LARP1B: variants seen among roughly 807,000 people sequenced by gnomAD.
LARP1B encodes the protein La ribonucleoprotein 1B.
Under a neutral mutation model 114.2 loss-of-function variants are expected in LARP1B, and 76 were observed. The ratio of observed to expected loss-of-function variants is 0.67; its 90% CI spans 0.55 to 0.81. The LOEUF (loss-of-function observed/expected upper bound fraction) is 0.81, where lower values mean the gene tolerates loss of function less well. LARP1B is among the 30% of genes least tolerant of loss of function. The pLI is 0.00. For missense variants in LARP1B, 1,014 were observed against 1,075.8 expected (o/e 0.94, Z 0.80); for synonymous variants, 345 against 348.0 (o/e 0.99, Z 0.10).
intron 5 of LARP1B, among the ~76,000 whole-genome samples, chr4:128,089,208 C>A (rs1038119774): frequency 6.6e-6 from 1 of 152,050 alleles, no homozygotes; most frequent in African/African-American, 2.4e-5. Context: ...GCCCCCACAC[C>A]AGAGTCTAAA....
chr4:128,128,215 A>G (rs1237373329), intron 11 of LARP1B, among the ~76,000 whole-genome samples: 2 of 152,194 alleles, frequency 1.3e-5, no homozygotes, highest in African/African-American at 4.8e-5. Context: ...CTTGGATTTG[A>G]TGGTGGTTTT....
At chr4:128,158,001 A>G (rs1456056799) in intron 11 of LARP1B, among the ~76,000 whole-genome samples, 2 of 152,164 alleles carry the variant, frequency 1.3e-5, no homozygotes, top group African/African-American at 4.8e-5. Context: ...CAATAAACAC[A>G]ACAACGCTGG....
At chr4:128,180,653 A>G (rs1001735037) in intron 15 of LARP1B, among the ~76,000 whole-genome samples, 4 of 152,196 alleles carry the variant, frequency 2.6e-5, no homozygotes, top group African/African-American at 9.7e-5. Context: ...TAATTTACCT[A>G]ATGAAGGACA....
At chr4:128,206,689 AC>A in intron 18 of LARP1B, 152 bp downstream of exon 18, 1 of 1,374,306 alleles carries the variant, frequency 7.3e-7, no homozygotes. Context: ...AGGATGGGGC[AC>A]CAGGTAGTAA....
At chr4:128,161,665 C>T (rs578052360) in intron 11 of LARP1B, among the ~76,000 whole-genome samples, 28 of 152,184 alleles carry the variant, frequency 1.8e-4, no homozygotes, top group African/African-American at 6.7e-4. Flanking sequence ...TATCTTTGCT[C>T]TCATTACCTA....
In LARP1B at chr4:128,089,460, C is replaced by T. The variant is rs191359418; in HGVS notation, c.359-1541C>T. Among the ~76,000 whole-genome samples the T allele has an allele frequency of 6.3e-3, 957 of 151,118 alleles. 2 individuals are homozygous for T. The highest frequency in any genetic ancestry group is 0.01 in the Non-Finnish European group (699 of 67,722). Reference sequence around the variant, plus strand: ...AGGTGATTCTCCTGCCCTAGCCTCCCGAGTAGCTGGGATTACCGGCGCCCA... The same window carrying T: ...AGGTGATTCTCCTGCCCTAGCCTCCTGAGTAGCTGGGATTACCGGCGCCCA... On this transcript the variant is annotated intron_variant, in intron 5 of 19. Transcript: ENST00000326639.
At chr4:128,151,007 G>A (rs1182357777) in intron 11 of LARP1B, among the ~76,000 whole-genome samples, 1 of 152,164 alleles carries the variant, frequency 6.6e-6, no homozygotes, top group Non-Finnish European at 1.5e-5. Flanking sequence ...TTCTGTATCA[G>A]TAATATGCAT....
intron 10 of LARP1B, 84 bp downstream of exon 10, chr4:128,114,826 T>C (rs1339641035): frequency 5.5e-6 from 7 of 1,273,998 alleles, no homozygotes; most frequent in Middle Eastern, 2.2e-4. Context: ...TAGGTACATA[T>C]GTAAAATTTG....
intron 10 of LARP1B, among the ~76,000 whole-genome samples, chr4:128,120,317 A>G (rs1456946577): frequency 1.3e-5 from 2 of 152,224 alleles, no homozygotes; most frequent in South Asian, 2.1e-4. Flanking sequence ...AAAATAGGCC[A>G]GAGGACGAAA....
At chr4:128,083,534 C>T (rs1438999322) in intron 5 of LARP1B, among the ~76,000 whole-genome samples, 1 of 149,218 alleles carries the variant, frequency 6.7e-6, no homozygotes, top group African/African-American at 2.5e-5. Flanking sequence ...GGCAGAGGCG[C>T]CCCTCACCTC....
intron 1 of LARP1B, among the ~76,000 whole-genome samples, chr4:128,074,233 C>T (rs183511161): frequency 8.9e-4 from 136 of 152,312 alleles, no homozygotes; most frequent in Non-Finnish European, 1.5e-3. Flanking sequence ...AGCCACCCCG[C>T]CCGGCAACAC....
intron 12 of LARP1B, among the ~76,000 whole-genome samples, chr4:128,174,915 G>A (rs186193208): frequency 6.6e-5 from 10 of 152,166 alleles, no homozygotes; most frequent in Admixed American, 2.6e-4. Flanking sequence ...ATGTTTAGTT[G>A]TCCCTAATTG....
At chr4:128,128,341 A>T (rs73848733) in intron 11 of LARP1B, among the ~76,000 whole-genome samples, 2,064 of 152,312 alleles carry the variant, frequency 0.014, 53 homozygotes, top group African/African-American at 0.047. Flanking sequence ...GCCAGTACAG[A>T]TGTTCCTCAA....
intron 11 of LARP1B, among the ~76,000 whole-genome samples, chr4:128,131,355 G>T (rs1409455849): frequency 6.6e-6 from 1 of 152,074 alleles, no homozygotes; most frequent in Non-Finnish European, 1.5e-5. Flanking sequence ...GCAAATCAAA[G>T]GAGGGAGGGG....
intron 11 of LARP1B, chr4:128,122,658 G>A: frequency 7.3e-7 from 1 of 1,376,992 alleles, no homozygotes; most frequent in Non-Finnish European, 9.3e-7. Context: ...TATGGTGCAT[G>A]ATCTAAGGTA....
chr4:128,087,392 T>C (rs1774040905), intron 5 of LARP1B, among the ~76,000 whole-genome samples: 1 of 152,168 alleles, frequency 6.6e-6, no homozygotes, highest in African/African-American at 2.4e-5. Context: ...AATATTAGCA[T>C]TCAAAAATTT....
intron 10 of LARP1B, among the ~76,000 whole-genome samples, chr4:128,116,109 AAG>A (rs1438055150): frequency 6.6e-6 from 1 of 152,248 alleles, no homozygotes; most frequent in African/African-American, 2.4e-5. Context: ...GAGGGTACAT[AAG>A]AGAGTGAGAT....
chr4:128,130,490 A>G (rs1472750682), intron 11 of LARP1B, among the ~76,000 whole-genome samples: 1 of 152,210 alleles, frequency 6.6e-6, no homozygotes, highest in African/African-American at 2.4e-5. Context: ...CAACAATGAG[A>G]TACTACTGTA....
chr4:128,074,274 A>G (rs1766946783), intron 1 of LARP1B, among the ~76,000 whole-genome samples, 186 bp from the exon 2 acceptor site: 1 of 152,154 alleles, frequency 6.6e-6, no homozygotes, highest in African/African-American at 2.4e-5. Context: ...TGATTTGGAG[A>G]CTGAAGATCA....
Sources: gnomAD v4.1 joint callset for allele counts (sites outside exome capture counted in the v4.1 genomes callset) on GRCh38, gnomAD v4.1.1 for gene constraint, MANE v1.5 for transcripts, NCBI Gene and HGNC (gene_info 2026-07-23, HGNC 2026-07-21) for gene names.